Variants in PIP5K1B observed in about 807,000 individuals in gnomAD.
PIP5K1B encodes the protein phosphatidylinositol 4-phosphate 5-kinase type-1 beta.
PIP5K1B carries 42 observed loss-of-function variants against 67.0 expected under a neutral mutation model. The observed-to-expected ratio is 0.63, with a 90% CI of 0.49 to 0.81. The LOEUF is 0.81. PIP5K1B is among the 30% of genes least tolerant of loss of function. The pLI is 0.00. For missense variants in PIP5K1B, 459 were observed against 646.3 expected (o/e 0.71, Z 3.14); for synonymous variants, 214 against 231.4 (o/e 0.92, Z 0.68).
intron 2 of PIP5K1B, among the ~76,000 whole-genome samples, chr9:68,807,235 A>T (rs982014722): frequency 1.3e-5 from 2 of 152,192 alleles, no homozygotes; most frequent in Admixed American, 1.3e-4. Context: ...ATTGAAGAAT[A>T]GATCTTAAGT....
At chr9:68,852,043 C>A (rs1822514813) in intron 4 of PIP5K1B, among the ~76,000 whole-genome samples, 2 of 152,118 alleles carry the variant, frequency 1.3e-5, no homozygotes, top group Non-Finnish European at 2.9e-5. Flanking sequence ...AGGGGAACAT[C>A]ACACACCGGG....
intron 4 of PIP5K1B, among the ~76,000 whole-genome samples, chr9:68,854,618 A>G (rs1245097142): frequency 1.3e-5 from 2 of 152,244 alleles, no homozygotes; most frequent in East Asian, 1.9e-4. Flanking sequence ...GCCTTGACCT[A>G]AAAGAAAAAG....
intron 14 of PIP5K1B, among the ~76,000 whole-genome samples, chr9:68,989,365 C>G (rs985847908): frequency 6.6e-6 from 1 of 151,908 alleles, no homozygotes; most frequent in South Asian, 2.1e-4. Flanking sequence ...GAGGTGAGCT[C>G]TGATTTAAAC....
At chr9:68,714,834 G>A (rs1023732360) in intron 1 of PIP5K1B, among the ~76,000 whole-genome samples, 6 of 151,910 alleles carry the variant, frequency 3.9e-5, no homozygotes, top group South Asian at 2.1e-4. Flanking sequence ...CAACCCTACC[G>A]CAAATACCAA....
intron 14 of PIP5K1B, among the ~76,000 whole-genome samples, chr9:68,975,199 G>A (rs981711170): frequency 3.9e-5 from 6 of 152,136 alleles, no homozygotes; most frequent in African/African-American, 1.4e-4. Context: ...CTCCCAAGTG[G>A]CTGGGACTAT....
intron 2 of PIP5K1B, among the ~76,000 whole-genome samples, chr9:68,777,385 G>A (rs1408189622): frequency 6.6e-6 from 1 of 152,186 alleles, no homozygotes; most frequent in Non-Finnish European, 1.5e-5. Context: ...GCAAGAAAAT[G>A]TATACATATA....
intron 14 of PIP5K1B, among the ~76,000 whole-genome samples, chr9:68,958,570 A>T (rs1564270614): frequency 6.6e-6 from 1 of 152,214 alleles, no homozygotes; most frequent in Non-Finnish European, 1.5e-5. Flanking sequence ...TCCAAGCAGC[A>T]TTCATGATTT....
intron 14 of PIP5K1B, among the ~76,000 whole-genome samples, chr9:68,951,055 G>T (rs905434807): frequency 7.9e-5 from 12 of 152,186 alleles, no homozygotes; most frequent in Admixed American, 7.2e-4. Context: ...GTAAGTGTAA[G>T]GAGGGAACTA....
At chr9:68,840,147 C>G (rs779993125) in intron 4 of PIP5K1B, among the ~76,000 whole-genome samples, 1 of 152,168 alleles carries the variant, frequency 6.6e-6, no homozygotes, top group Non-Finnish European at 1.5e-5. Flanking sequence ...GAGGCCAAGG[C>G]GGGCAGATCA....
chr9:68,814,085 T>A (rs1026248895), intron 2 of PIP5K1B, among the ~76,000 whole-genome samples: 8 of 152,116 alleles, frequency 5.3e-5, no homozygotes, highest in Non-Finnish European at 1.0e-4. Context: ...AGTGCCACCG[T>A]GCCACTCAGT....
chr9:68,746,406 A>C (rs1427070927), intron 2 of PIP5K1B, among the ~76,000 whole-genome samples: 2 of 152,132 alleles, frequency 1.3e-5, no homozygotes, highest in Non-Finnish European at 2.9e-5. Context: ...GGAAGTACTG[A>C]GACAAGGCTT....
intron 3 of PIP5K1B, among the ~76,000 whole-genome samples, chr9:68,818,843 T>C (rs1833586617): frequency 1.3e-5 from 2 of 152,204 alleles, no homozygotes; most frequent in South Asian, 4.1e-4. Context: ...GTGTTCACTG[T>C]AGAATACTTG....
At chr9:68,936,524 T>C (rs7034288) in intron 13 of PIP5K1B, among the ~76,000 whole-genome samples, 3,763 of 152,278 alleles carry the variant, frequency 0.025, 122 homozygotes, top group African/African-American at 0.076. Context: ...AATCTCAGCA[T>C]TTCCTGAAAA....
At chr9:68,837,445 A>C (rs1170799291) in intron 4 of PIP5K1B, among the ~76,000 whole-genome samples, 1 of 152,158 alleles carries the variant, frequency 6.6e-6, no homozygotes, top group Non-Finnish European at 1.5e-5. Flanking sequence ...TTATTATTGT[A>C]AGTTAGACTT....
At chr9:68,876,550 C>T (rs898446657) in intron 5 of PIP5K1B, 127 bp from the exon 6 acceptor site, 16 of 627,386 alleles carry the variant, frequency 2.6e-5, no homozygotes, top group African/African-American at 5.6e-5. Context: ...TTGAGAAACC[C>T]GCTCTCAGGG....
intron 2 of PIP5K1B, among the ~76,000 whole-genome samples, chr9:68,787,082 GT>G (rs1446874988): frequency 6.6e-6 from 1 of 152,176 alleles, no homozygotes; most frequent in Non-Finnish European, 1.5e-5. Context: ...TACTTTTGCG[GT>G]TATGGGATTG....
At chr9:68,800,731 C>A (rs763866630) in intron 2 of PIP5K1B, among the ~76,000 whole-genome samples, 2 of 152,124 alleles carry the variant, frequency 1.3e-5, no homozygotes, top group Non-Finnish European at 2.9e-5. Flanking sequence ...GAGGTGGTAT[C>A]TTTTTCTCAT....
chr9:68,870,042 G>A (rs1219152415), intron 5 of PIP5K1B, among the ~76,000 whole-genome samples: 3 of 152,090 alleles, frequency 2.0e-5, no homozygotes, highest in East Asian at 3.8e-4. Flanking sequence ...GGTGAGGATG[G>A]GGAGAAACTG....
chr9:68,814,225 C>A (rs1005846242), intron 2 of PIP5K1B, among the ~76,000 whole-genome samples: 1 of 152,018 alleles, frequency 6.6e-6, no homozygotes, highest in African/African-American at 2.4e-5. Flanking sequence ...ACACAGCAAG[C>A]CGAGCGAAAA....
Sources: allele counts gnomAD v4.1 joint callset (sites outside exome capture counted in the v4.1 genomes callset), GRCh38; gene constraint gnomAD v4.1.1; transcripts MANE v1.5; gene names NCBI Gene and HGNC (gene_info 2026-07-23, HGNC 2026-07-21).